SLC30A7: variants seen among roughly 807,000 people sequenced by gnomAD.
SLC30A7 encodes the protein solute carrier family 30 member 7, also known as zinc transporter 7.
Under a neutral mutation model 46.0 loss-of-function variants are expected in SLC30A7, and 35 were observed. The ratio of observed to expected loss-of-function variants is 0.76; its 90% CI spans 0.58 to 1.01. The LOEUF (loss-of-function observed/expected upper bound fraction) is 1.01. SLC30A7 is among the 50% of genes least tolerant of loss of function. The pLI is 0.00. For synonymous variants in SLC30A7, 147 were observed against 157.8 expected (o/e 0.93, Z 0.51); for missense variants, 464 against 451.1 (o/e 1.03, Z -0.26).
At chr1:100,990,597 G>T in the SLC30A7 span, 14 of 1,613,850 alleles carry the variant, frequency 8.7e-6, no homozygotes, top group Non-Finnish European at 9.3e-6. Flanking sequence ...CTCCAACCCT[G>T]GCTAAGCCAA....
intron 8 of SLC30A7, chr1:100,941,362 A>G (rs753570929): frequency 5.0e-6 from 2 of 397,924 alleles, no homozygotes; most frequent in Non-Finnish European, 9.7e-6. Flanking sequence ...CACAACCACC[A>G]CCAAAGTTTC....
rs1285750247 is a variant in SLC30A7, at chr1:100,977,669, AT to A, written c.*2814del. On this transcript the variant is annotated 3_prime_UTR_variant, in exon 11 of 11. Transcript: ENST00000357650. ...AATATTCTCTGGACAACAAATTTGT[AT>A]TGCTCAGGGACAGTTTACCTTGCCT... 6.6e-6 allele frequency: 1 copy of A among 152,200 alleles called. No individual in the cohort carries two copies. The highest frequency in any genetic ancestry group is 2.4e-5 in the African/African-American group (1 of 41,448). The allele number at this position is 152,200 out of a possible 1,614,324, so 9.4% of individuals were successfully genotyped here.
At chr1:100,973,761 AG>A (rs909086729) in intron 10 of SLC30A7, among the ~76,000 whole-genome samples, 7 of 152,118 alleles carry the variant, frequency 4.6e-5, no homozygotes, top group Non-Finnish European at 1.5e-5. Context: ...GTGAGGTAAA[AG>A]GGCAGCCAGT....
chr1:100,916,733 A>G (rs1458593677), intron 6 of SLC30A7, among the ~76,000 whole-genome samples: 1 of 88,240 alleles, frequency 1.1e-5, no homozygotes, highest in African/African-American at 4.5e-5. Flanking sequence ...TTTTGTACCC[A>G]TTAACCATCC....
At chr1:100,995,746 C>T in the SLC30A7 span, 1 of 152,322 alleles carries the variant, frequency 6.6e-6, no homozygotes, top group South Asian at 2.1e-4. Flanking sequence ...CCAAGCATCA[C>T]AAATATTTGA....
intron 8 of SLC30A7, among the ~76,000 whole-genome samples, chr1:100,951,254 C>T (rs888832334): frequency 6.6e-6 from 1 of 151,982 alleles, no homozygotes; most frequent in African/African-American, 2.4e-5. Flanking sequence ...CAAAGTACCC[C>T]TTTGTCTACT....
chr1:100,990,404 ATGTTCAAAG>A, the SLC30A7 span: 2 of 1,613,076 alleles, frequency 1.2e-6, no homozygotes, highest in Non-Finnish European at 8.5e-7. Context: ...GTAAATATCT[ATGTTCAAAG>A]TCCATTGATG....
intron 8 of SLC30A7, chr1:100,942,135 C>T (rs1280073242): frequency 5.7e-6 from 1 of 176,972 alleles, no homozygotes; most frequent in Non-Finnish European, 1.2e-5. Flanking sequence ...GACACCACTT[C>T]TTACCCATCA....
At position 100,948,824 on chromosome 1, in the gene SLC30A7, A is replaced by G. The variant is rs148583554; in HGVS notation, c.843-13004A>G. On this transcript the variant is annotated intron_variant, in intron 8 of 10. Coordinates refer to ENST00000357650, the MANE Select transcript of SLC30A7 (RefSeq NM_133496.5). ...ACTGATACCCTTCTTCCACTTGATC[A>G]AATTGGCTATTGAAGCTTGTGCATG... Among the ~76,000 whole-genome samples the G allele has an allele frequency of 6.7e-3, 1,026 of 152,280 alleles. 18 individuals carry two copies. Among genetic ancestry groups the G allele is most frequent in the African/African-American group, 0.022 (896 of 41,556 alleles).
At chr1:100,993,559 A>AATATATATATCTATAT in the SLC30A7 span, among the ~76,000 whole-genome samples, 3 of 56,546 alleles carry the variant, frequency 5.3e-5, 1 homozygote, top group African/African-American at 1.3e-4. Context: ...CGAAAATATA[A>AATATATATATCTATAT]ATATATATAT....
chr1:100,912,563 C>A (rs1203979475), intron 5 of SLC30A7, among the ~76,000 whole-genome samples: 1 of 152,066 alleles, frequency 6.6e-6, no homozygotes, highest in African/African-American at 2.4e-5. Context: ...GTGGCTTACA[C>A]CTATAATTCC....
rs1656704574 is a variant in SLC30A7 at position 100,978,487 on chromosome 1, G to A, written c.*3630G>A. ...ATCTAAGCAAGGACTGGCTTTAGAA[G>A]CAGTGTAGTTCTACCTCTCATTTTA... is the stretch of plus-strand genomic sequence containing the variant. On this transcript the variant is annotated 3_prime_UTR_variant, in exon 11 of 11. Transcript: ENST00000357650. 2 of 152,180 alleles carry A rather than the reference G, an allele frequency of 1.3e-5. No homozygotes were observed. Among genetic ancestry groups the A allele is most frequent in the Admixed American group, 1.3e-4 (2 of 15,272 alleles). The allele number at this position is 152,180 out of a possible 1,614,324, so 9.4% of individuals were successfully genotyped here. A position where few individuals can be genotyped will look rare whatever the true frequency, so the allele number is the denominator to read the frequency against.
rs180961463 is a variant in SLC30A7, at chr1:100,965,278, G to T, written c.934-491G>T. Among the ~76,000 whole-genome samples the T allele has an allele frequency of 3.9e-3, 595 of 152,214 alleles. 2 individuals are homozygous for T. The highest frequency in any genetic ancestry group is 6.0e-3 in the Non-Finnish European group (405 of 67,998). The stretch of plus-strand genomic sequence containing the variant: ...TTGAGCTTTTTTCTTTTAACTTTTG[G>T]TTGTTGATCTTATTTCAGCTCCTCC... On this transcript the variant is annotated intron_variant, in intron 9 of 10. Transcript: ENST00000357650.
rs1032534297 is a variant in SLC30A7, at chr1:100,896,139, A to G, written c.-124A>G. On this transcript the variant is annotated 5_prime_UTR_variant, in exon 1 of 11. Transcript: ENST00000357650. ...GTGTCTGTGTCTGTCTGTGTCTCGC[A>G]GCGGCGCGCGGCCCCGGACAAGCGC... 9 of 810,540 alleles carry G rather than the reference A, an allele frequency of 1.1e-5. No individual in the cohort carries two copies. Among genetic ancestry groups the G allele is most frequent in the Non-Finnish European group, 1.9e-5 (9 of 476,138 alleles). The allele number at this position is 810,540 out of a possible 1,614,324, so 50.2% of individuals were successfully genotyped here. A position where few individuals can be genotyped will look rare whatever the true frequency, so the allele number is the denominator to read the frequency against.
intron 10 of SLC30A7, among the ~76,000 whole-genome samples, chr1:100,972,828 A>G (rs1039063360): frequency 2.0e-5 from 3 of 152,084 alleles, no homozygotes; most frequent in Non-Finnish European, 4.4e-5. Flanking sequence ...TTTATTGAAT[A>G]TCTGTCAAAT....
chr1:100,960,270 C>T (rs1436419549), intron 8 of SLC30A7, among the ~76,000 whole-genome samples: 1 of 152,134 alleles, frequency 6.6e-6, no homozygotes, highest in African/African-American at 2.4e-5. Flanking sequence ...GTCTTTGTTC[C>T]TATGGTTACC....
Position 100,917,359 on chromosome 1 carries a change from C to G in SLC30A7, c.656-718C>G, listed in dbSNP as rs140056313. ...ACATTGTTATAATGCTCTATCAAAGCTGTACTGATAAGGGTACCTTGACCT... is the reference window on the plus strand; with the variant it reads ...ACATTGTTATAATGCTCTATCAAAGGTGTACTGATAAGGGTACCTTGACCT... On this transcript the variant is annotated intron_variant, in intron 6 of 10. Transcript: ENST00000357650. 3.9e-3 allele frequency among the ~76,000 whole-genome samples: 590 copies of G among 152,226 alleles called. 1 individual carries two copies. The highest frequency in any genetic ancestry group is 0.013 in the African/African-American group (557 of 41,530).
chr1:100,966,686 G>T (rs1655895977), intron 10 of SLC30A7, among the ~76,000 whole-genome samples: 1 of 152,130 alleles, frequency 6.6e-6, no homozygotes, highest in South Asian at 2.1e-4. Flanking sequence ...TAGAAAGATA[G>T]TTCCTATATG....
intron 8 of SLC30A7, among the ~76,000 whole-genome samples, chr1:100,930,553 T>C (rs528259777): frequency 6.6e-6 from 1 of 152,030 alleles, no homozygotes; most frequent in East Asian, 1.9e-4. Flanking sequence ...ATAGAATAAA[T>C]TTGTGGCCTG....
Sources: gnomAD v4.1 joint callset for allele counts (sites outside exome capture counted in the v4.1 genomes callset) on GRCh38, gnomAD v4.1.1 for gene constraint, MANE v1.5 for transcripts, NCBI Gene and HGNC (gene_info 2026-07-23, HGNC 2026-07-21) for gene names.